The following ZNF730 variants were observed in gnomAD, a reference collection of about 807,000 sequenced individuals.
ZNF730 encodes the protein zinc finger protein 730.
ZNF730 carries 12 observed loss-of-function variants against 12.6 expected under a neutral mutation model. The observed-to-expected ratio is 0.95, with a 90% CI of 0.61 to 1.54. The LOEUF (loss-of-function observed/expected upper bound fraction) is 1.54. Ranked by LOEUF, ZNF730 falls within the 40% of genes most tolerant of loss-of-function variation. ZNF730 has a pLI of 0.00. For missense variants in ZNF730, 643 were observed against 583.5 expected (o/e 1.10, Z -1.05); for synonymous variants, 194 against 195.8 (o/e 0.99, Z 0.08).
chr19:23,111,213 T>C (rs1264220222), intron 1 of ZNF730, among the ~76,000 whole-genome samples: 1 of 152,220 alleles, frequency 6.6e-6, no homozygotes, highest in Non-Finnish European at 1.5e-5. Context: ...TTGTCAAGCA[T>C]ATAATCCCAA....
chr19:23,127,855 C>A, intron 1 of ZNF730: 1 of 655,922 alleles, frequency 1.5e-6, no homozygotes. Flanking sequence ...TGCTTATACC[C>A]GTATAGAAGA....
At chr19:23,117,239 G>C (rs1046044596) in intron 1 of ZNF730, 63 bp downstream of exon 1, 3 of 1,612,312 alleles carry the variant, frequency 1.9e-6, no homozygotes, top group Admixed American at 1.7e-5. Flanking sequence ...GGTGGGAAGC[G>C]GCTGTGGCGG....
chr19:23,129,210 G>A (rs1970711431), intron 1 of ZNF730, among the ~76,000 whole-genome samples: 1 of 152,164 alleles, frequency 6.6e-6, no homozygotes, highest in East Asian at 1.9e-4. Flanking sequence ...AGTCCTTACT[G>A]GGGCACCGCC....
At chr19:23,076,398 TAC>T (rs1242264259) in intron 1 of ZNF730, among the ~76,000 whole-genome samples, 1 of 152,008 alleles carries the variant, frequency 6.6e-6, no homozygotes, top group East Asian at 1.9e-4. Flanking sequence ...CTTCCCTAGG[TAC>T]ACACACCTTA....
At chr19:23,144,223 A>C (rs554791848) in intron 3 of ZNF730, 4 of 152,078 alleles carry the variant, frequency 2.6e-5, no homozygotes, top group African/African-American at 9.6e-5. Context: ...TGTAATCTTT[A>C]ATTGAGATTT....
chr19:23,081,522 G>A (rs1187211852), intron 1 of ZNF730, among the ~76,000 whole-genome samples: 1 of 152,060 alleles, frequency 6.6e-6, no homozygotes, highest in Non-Finnish European at 1.5e-5. Flanking sequence ...GTTTCACCAT[G>A]TTGGCCAGGC....
intron 3 of ZNF730, 151 bp from the exon 4 acceptor site, chr19:23,145,120 T>A (rs1970983444): frequency 1.8e-6 from 1 of 551,148 alleles, no homozygotes; most frequent in Non-Finnish European, 2.9e-6. Flanking sequence ...ACTTTGGATT[T>A]TTGTTACATT....
intron 1 of ZNF730, among the ~76,000 whole-genome samples, chr19:23,107,440 A>C (rs1970405923): frequency 8.2e-6 from 1 of 122,648 alleles, no homozygotes; most frequent in African/African-American, 3.2e-5. Flanking sequence ...TACTTTAAAA[A>C]AAAAATACCA....
upstream of ZNF730, chr19:23,116,924 GGCGGGGCC>G (rs1970535388): frequency 6.6e-5 from 6 of 90,686 alleles, no homozygotes; most frequent in Admixed American, 7.8e-4. Flanking sequence ...GGCCTGAGGG[GGCGGGGCC>G]TTAAACGTTA....
At chr19:23,140,894 G>A (rs2145690863) in intron 3 of ZNF730, among the ~76,000 whole-genome samples, 1 of 152,146 alleles carries the variant, frequency 6.6e-6, no homozygotes, top group Admixed American at 6.5e-5. Context: ...AGAGGTTGCA[G>A]TGAGCCTAGA....
In ZNF730 at chr19:23,135,979, C is replaced by T. The variant is rs1970826032; in HGVS notation, c.162C>T (p.Thr54=). 1 of 1,609,114 alleles carries T rather than the reference C, an allele frequency of 6.2e-7. No homozygotes were observed. Among genetic ancestry groups the T allele is most frequent in the African/African-American group, 1.3e-5 (1 of 74,652 alleles). The stretch of plus-strand genomic sequence containing the variant: ...CTGTCTCAAAGCCAGACCTGATCAC[C>T]TGTCTGGAGCAAGAAAAAGAGCCTT... ...GIAVSKPDLI[T]CLEQEKEPWN... The change falls in exon 3 of 4, where the codon ACC becomes ACT. Residue 54 remains threonine (T), a synonymous_variant. Coordinates refer to ENST00000597761, the MANE Select transcript of ZNF730 (RefSeq NM_001277403.2).
intron 1 of ZNF730, among the ~76,000 whole-genome samples, chr19:23,084,262 C>G (rs1020855956): frequency 4.6e-4 from 70 of 152,080 alleles, no homozygotes; most frequent in African/African-American, 1.6e-3. Context: ...TTATTGGGCA[C>G]ATTGATCTAT....
intron 1 of ZNF730, among the ~76,000 whole-genome samples, chr19:23,108,518 A>G (rs977319502): frequency 6.8e-6 from 1 of 147,474 alleles, no homozygotes; most frequent in South Asian, 2.2e-4. Context: ...AGACAGCTTC[A>G]AGATGTACTC....
intron 1 of ZNF730, among the ~76,000 whole-genome samples, chr19:23,119,969 C>T (rs1390634308): frequency 6.7e-6 from 1 of 149,524 alleles, no homozygotes; most frequent in African/African-American, 2.5e-5. Context: ...GTGAATCTGT[C>T]TGGTCCTGGA....
intron 3 of ZNF730, among the ~76,000 whole-genome samples, chr19:23,140,416 C>A (rs894321457): frequency 2.8e-4 from 42 of 149,122 alleles, no homozygotes; most frequent in Non-Finnish European, 4.5e-4. Context: ...ATGAGACCAG[C>A]CTGGCCAACA....
intron 1 of ZNF730, among the ~76,000 whole-genome samples, chr19:23,106,302 T>G (rs1290176363): frequency 2.0e-5 from 3 of 152,150 alleles, no homozygotes; most frequent in Admixed American, 6.5e-5. Flanking sequence ...TTCTGTGTGG[T>G]ACTCTGAAGA....
At chr19:23,131,734 CA>C (rs1424571774) in intron 1 of ZNF730, among the ~76,000 whole-genome samples, 1 of 152,142 alleles carries the variant, frequency 6.6e-6, no homozygotes, top group Non-Finnish European at 1.5e-5. Context: ...TTATAACACC[CA>C]TTCCTGTATC....
chr19:23,132,699 C>T (rs1970759982), intron 1 of ZNF730, among the ~76,000 whole-genome samples: 1 of 152,064 alleles, frequency 6.6e-6, no homozygotes, highest in African/African-American at 2.4e-5. Context: ...TGTTGAGGTT[C>T]TGTCTGTGTT....
upstream of ZNF730, among the ~76,000 whole-genome samples, chr19:23,116,701 G>C (rs1161170409): frequency 1.3e-5 from 2 of 151,806 alleles, no homozygotes; most frequent in African/African-American, 4.8e-5. Flanking sequence ...GATTACAGGC[G>C]TGAGCCACCG....
Sources: allele counts gnomAD v4.1 joint callset (sites outside exome capture counted in the v4.1 genomes callset), GRCh38; gene constraint gnomAD v4.1.1; transcripts MANE v1.5; gene names NCBI Gene and HGNC (gene_info 2026-07-23, HGNC 2026-07-21).